Variants in IQCM observed in about 807,000 individuals in gnomAD.
IQCM encodes IQ domain-containing protein M.
Under a neutral mutation model 57.6 loss-of-function variants are expected in IQCM, and 45 were observed. That is an observed-to-expected ratio of 0.78 (90% CI 0.62 to 1.00). The LOEUF (loss-of-function observed/expected upper bound fraction) is 1.00, where lower values mean the gene tolerates loss of function less well. IQCM is among the 50% of genes least tolerant of loss of function. IQCM has a pLI of 0.00. For synonymous variants in IQCM, 148 were observed against 158.9 expected (o/e 0.93, Z 0.51); for missense variants, 468 against 511.6 (o/e 0.91, Z 0.82).
At chr4:149,588,707 C>T (rs1271700925) in intron 8 of IQCM, among the ~76,000 whole-genome samples, 1 of 151,826 alleles carries the variant, frequency 6.6e-6, no homozygotes, top group Non-Finnish European at 1.5e-5. Context: ...CAGGAGAAAC[C>T]AACCCCACGG....
At chr4:149,768,846 T>C (rs1252174438) in intron 2 of IQCM, among the ~76,000 whole-genome samples, 1 of 152,064 alleles carries the variant, frequency 6.6e-6, no homozygotes, top group African/African-American at 2.4e-5. Flanking sequence ...ACAAAAAAGC[T>C]GACAAACTTG....
At chr4:149,729,477 T>G (rs986951629) in intron 5 of IQCM, among the ~76,000 whole-genome samples, 5 of 151,700 alleles carry the variant, frequency 3.3e-5, no homozygotes, top group Middle Eastern at 3.4e-3. Context: ...TTTTTTGTTG[T>G]TTTTTTTACC....
At chr4:149,661,853 C>G (rs759055025) in intron 7 of IQCM, among the ~76,000 whole-genome samples, 21 of 151,918 alleles carry the variant, frequency 1.4e-4, no homozygotes, top group Non-Finnish European at 2.2e-4. Context: ...CTTAGTCTGG[C>G]TAATGATTTG....
chr4:149,663,469 T>C (rs566613271), intron 7 of IQCM, among the ~76,000 whole-genome samples: 102 of 152,230 alleles, frequency 6.7e-4, no homozygotes, highest in Non-Finnish European at 1.2e-3. Context: ...GCATTTCTTG[T>C]AAGGCTAGGC....
intron 7 of IQCM, among the ~76,000 whole-genome samples, chr4:149,642,884 T>C (rs1162509692): frequency 6.6e-6 from 1 of 152,112 alleles, no homozygotes; most frequent in Non-Finnish European, 1.5e-5. Context: ...TTTAAAAAAA[T>C]TGTAATAACT....
intron 5 of IQCM, among the ~76,000 whole-genome samples, chr4:149,698,168 A>G (rs1763481084): frequency 6.6e-6 from 1 of 151,956 alleles, no homozygotes; most frequent in Non-Finnish European, 1.5e-5. Flanking sequence ...CAATAAGATC[A>G]TTTAACTAAT....
In IQCM at chr4:149,487,632, T is replaced by C. The variant is rs146008692; in HGVS notation, c.1229-54075A>G. On this transcript the variant is annotated intron_variant, in intron 12 of 13. Coordinates refer to ENST00000636793, the MANE Select transcript of IQCM (RefSeq NM_001363507.2). ...ACCACTGGGATGGGCTATTCCCCTC[T>C]GGCTAGGTAAGCTCCAAGTGCTCCC... 1.2e-3 allele frequency among the ~76,000 whole-genome samples: 185 copies of C among 152,284 alleles called. 3 individuals are homozygous for C. In the East Asian group the frequency reaches 0.033, roughly 28 times the overall value.
rs1398531698 is a variant in IQCM at position 149,621,175 on chromosome 4, C to T, written c.635G>A (p.Arg212Gln). 8.1e-6 allele frequency: 10 copies of T among 1,231,596 alleles called. No individual in the cohort carries two copies. Among genetic ancestry groups the T allele is most frequent in the African/African-American group, 1.6e-5 (1 of 64,406 alleles). 76.3% of individuals were successfully genotyped at this position (1,231,596 alleles called of 1,614,324 possible). A position where few individuals can be genotyped will look rare whatever the true frequency, so the allele number is the denominator to read the frequency against. ...RSFRLACDSR[R>Q]VSFSQSSSIF... ...TGATGATGATTGAGAGAAACTAACT[C>T]GACGGGAGTCACAAGCCAAACGGAA... is the stretch of plus-strand genomic sequence containing the variant. The change falls in exon 8 of 14, where the codon CGA (arginine) becomes CAA (glutamine). Residue 212 changes from arginine (R) to glutamine (Q), a missense_variant. Transcript: ENST00000636793.
chr4:149,428,324 G>A (rs1315712162), intron 13 of IQCM, among the ~76,000 whole-genome samples: 1 of 151,664 alleles, frequency 6.6e-6, no homozygotes, highest in Non-Finnish European at 1.5e-5. Flanking sequence ...ACTAGTAGTA[G>A]CTAAGATTAT....
At chr4:149,741,092 A>G (rs1580173997) in intron 3 of IQCM, among the ~76,000 whole-genome samples, 1 of 152,300 alleles carries the variant, frequency 6.6e-6, no homozygotes, top group East Asian at 1.9e-4. Context: ...GAACCAAATG[A>G]AACCCAAATT....
At chr4:149,493,677 G>C (rs1436057865) in intron 12 of IQCM, among the ~76,000 whole-genome samples, 1 of 152,058 alleles carries the variant, frequency 6.6e-6, no homozygotes, top group African/African-American at 2.4e-5. Context: ...ACCCTTAGGT[G>C]ACCTCTGCAG....
At chr4:149,503,265 T>G (rs1419867436) in intron 12 of IQCM, among the ~76,000 whole-genome samples, 1 of 152,072 alleles carries the variant, frequency 6.6e-6, no homozygotes, top group Non-Finnish European at 1.5e-5. Context: ...AATAATAAAT[T>G]AAAATATCTT....
chr4:149,552,934 T>A (rs1342638516), intron 11 of IQCM, among the ~76,000 whole-genome samples: 1 of 152,222 alleles, frequency 6.6e-6, no homozygotes, highest in Non-Finnish European at 1.5e-5. Context: ...TCCTTTTTGC[T>A]TTGGATAGCT....
intron 2 of IQCM, among the ~76,000 whole-genome samples, chr4:149,768,360 G>T (rs529819822): frequency 3.9e-5 from 6 of 152,092 alleles, no homozygotes; most frequent in Admixed American, 2.6e-4. Context: ...TTACTTTCTA[G>T]GTAGATCACT....
intron 2 of IQCM, among the ~76,000 whole-genome samples, chr4:149,807,864 G>A (rs1277074212): frequency 6.6e-6 from 1 of 151,494 alleles, no homozygotes; most frequent in East Asian, 1.9e-4. Flanking sequence ...GAAGATGCAT[G>A]TCAAAACCAC....
At chr4:149,747,010 C>G (rs191861786) in intron 2 of IQCM, among the ~76,000 whole-genome samples, 9 of 152,144 alleles carry the variant, frequency 5.9e-5, no homozygotes, top group Non-Finnish European at 1.2e-4. Flanking sequence ...TCCTAGTCAC[C>G]CTTCTCTGAT....
chr4:149,356,774 C>T (rs921852657), intron 13 of IQCM, among the ~76,000 whole-genome samples: 1 of 152,228 alleles, frequency 6.6e-6, no homozygotes, highest in South Asian at 2.1e-4. Flanking sequence ...TTTTCCAATT[C>T]TGTGAAGAAA....
chr4:149,422,142 C>T (rs1226678614), intron 13 of IQCM, among the ~76,000 whole-genome samples: 1 of 151,938 alleles, frequency 6.6e-6, no homozygotes, highest in Non-Finnish European at 1.5e-5. Context: ...TTTTCAGCTT[C>T]AGCAACATTT....
Position 149,572,728 on chromosome 4 carries a change from G to A in IQCM, c.750-8838C>T, listed in dbSNP as rs570730829. Reference sequence around the variant, plus strand: ...TTGTGATTAGTTAAAACACACACCTGGCAAAAAATAATTAGAAACATACAT... The same window carrying A: ...TTGTGATTAGTTAAAACACACACCTAGCAAAAAATAATTAGAAACATACAT... On this transcript the variant is annotated intron_variant, in intron 9 of 13. Coordinates refer to ENST00000636793, the MANE Select transcript of IQCM (RefSeq NM_001363507.2). Among the ~76,000 whole-genome samples the A allele has an allele frequency of 4.9e-4, 74 of 151,394 alleles. 1 individual carries two copies. The South Asian group carries it at 0.015, about 32-fold the overall frequency.
Sources: allele counts gnomAD v4.1 joint callset (sites outside exome capture counted in the v4.1 genomes callset), GRCh38; gene constraint gnomAD v4.1.1; transcripts MANE v1.5; gene names NCBI Gene and HGNC (gene_info 2026-07-23, HGNC 2026-07-21).